The following CDH18 variants were observed in gnomAD, a reference collection of about 807,000 sequenced individuals.
The protein encoded by CDH18 is cadherin-18.
CDH18 carries 31 observed loss-of-function variants against 67.9 expected under a neutral mutation model. That is an observed-to-expected ratio of 0.46 (90% CI 0.34 to 0.62). The LOEUF (loss-of-function observed/expected upper bound fraction) is 0.62. CDH18 is among the 20% of genes least tolerant of loss of function. The pLI, the probability that CDH18 is intolerant of heterozygous loss-of-function variation, is 0.01. For missense variants in CDH18, 890 were observed against 975.5 expected, an observed-to-expected ratio of 0.91 and a Z score of 1.17; for synonymous variants, 362 against 347.2, an observed-to-expected ratio of 1.04 and a Z score of -0.48.
At chr5:20,254,364 A>AGGTG (rs1744074869) in intron 2 of CDH18, among the ~76,000 whole-genome samples, 1 of 152,162 alleles carries the variant, frequency 6.6e-6, no homozygotes, top group Non-Finnish European at 1.5e-5. Context: ...AGCCTGCCTC[A>AGGTG]TCCTCCTAAA....
At chr5:19,936,692 G>A (rs559526037) in intron 2 of CDH18, among the ~76,000 whole-genome samples, 1 of 150,918 alleles carries the variant, frequency 6.6e-6, no homozygotes, top group Admixed American at 6.6e-5. Flanking sequence ...AAAATGTTGA[G>A]ATTCTGAATA....
At chr5:19,974,013 T>C (rs1798269351) in intron 2 of CDH18, among the ~76,000 whole-genome samples, 1 of 152,080 alleles carries the variant, frequency 6.6e-6, no homozygotes, top group Non-Finnish European at 1.5e-5. Flanking sequence ...ATGAAATAAA[T>C]CATTATAGAA....
At position 20,181,104 on chromosome 5, in the gene CDH18, G is replaced by A. The variant is rs574614659; in HGVS notation, c.-518+74340C>T. On this transcript the variant is annotated intron_variant, in intron 2 of 14. Coordinates refer to the CDH18 transcript ENST00000507958. Reference sequence around the variant, plus strand: ...AAGGTGCACACTTCCTTACACAAATGTAGACTTCTAGAGAGTTTCTCCAAC... The same window carrying A: ...AAGGTGCACACTTCCTTACACAAATATAGACTTCTAGAGAGTTTCTCCAAC... Among the ~76,000 whole-genome samples, 56 of 152,210 alleles carry A rather than the reference G, an allele frequency of 3.7e-4. 1 individual carries two copies. The highest frequency in any genetic ancestry group is 1.3e-3 in the African/African-American group (53 of 41,546).
chr5:19,989,852 A>G (rs1296601044), upstream of CDH18, among the ~76,000 whole-genome samples: 1 of 152,228 alleles, frequency 6.6e-6, no homozygotes, highest in Non-Finnish European at 1.5e-5. Context: ...CTAATTGGGA[A>G]GGAATTGCAC....
At chr5:20,547,367 C>G (rs919006207) in intron 1 of CDH18, among the ~76,000 whole-genome samples, 1 of 151,908 alleles carries the variant, frequency 6.6e-6, no homozygotes, top group Admixed American at 6.6e-5. Flanking sequence ...TCAAGACCAG[C>G]CTGGCCAATA....
chr5:19,658,938 G>A lies in CDH18; in HGVS notation c.644-46337C>T, dbSNP rs569846004. Among the ~76,000 whole-genome samples, 53 of 151,990 alleles carry A rather than the reference G, an allele frequency of 3.5e-4. 1 individual carries two copies. Among genetic ancestry groups the A allele is most frequent in the African/African-American group, 1.2e-3 (49 of 41,478 alleles). ...TGATAGACTGGATTAAGAAAATGTGGCACATATACACCATGGAATACTATG... is the reference window on the plus strand; with the variant it reads ...TGATAGACTGGATTAAGAAAATGTGACACATATACACCATGGAATACTATG... On this transcript the variant is annotated intron_variant, in intron 5 of 12. Coordinates refer to ENST00000382275, the MANE Select transcript of CDH18 (RefSeq NM_004934.5).
At chr5:19,683,851 TC>T (rs1760683126) in intron 5 of CDH18, among the ~76,000 whole-genome samples, 1 of 151,842 alleles carries the variant, frequency 6.6e-6, no homozygotes, top group African/African-American at 2.4e-5. Flanking sequence ...TTCACACGTG[TC>T]CCCTGTTTCA....
intron 1 of CDH18, among the ~76,000 whole-genome samples, chr5:20,567,592 G>T (rs985858923): frequency 6.6e-6 from 1 of 152,114 alleles, no homozygotes; most frequent in Admixed American, 6.6e-5. Flanking sequence ...AGCATTATAA[G>T]GTCAGGCTGA....
At chr5:19,791,969 A>T (rs1236527315) in intron 3 of CDH18, among the ~76,000 whole-genome samples, 4 of 152,156 alleles carry the variant, frequency 2.6e-5, no homozygotes, top group African/African-American at 9.7e-5. Flanking sequence ...ATGTTACCAA[A>T]TTTAAAATGT....
chr5:19,624,835 T>A (rs1226663003), intron 5 of CDH18, among the ~76,000 whole-genome samples: 1 of 152,188 alleles, frequency 6.6e-6, no homozygotes, highest in Non-Finnish European at 1.5e-5. Context: ...TAAGGTTGCA[T>A]GCTACACTGA....
intron 10 of CDH18, among the ~76,000 whole-genome samples, chr5:19,504,373 T>C (rs1042401562): frequency 2.0e-5 from 3 of 152,050 alleles, no homozygotes; most frequent in African/African-American, 7.2e-5. Context: ...TAAGTCTCTA[T>C]CCTTCTTGAT....
At chr5:20,450,576 G>T (rs147815110) in intron 1 of CDH18, among the ~76,000 whole-genome samples, 1 of 151,652 alleles carries the variant, frequency 6.6e-6, no homozygotes, top group Non-Finnish European at 1.5e-5. Context: ...GTACACACAC[G>T]CATCCCCACA....
At chr5:19,719,952 A>G (rs867733285) in intron 5 of CDH18, among the ~76,000 whole-genome samples, 1 of 141,932 alleles carries the variant, frequency 7.0e-6, no homozygotes, top group Middle Eastern at 3.8e-3. Context: ...AAAGAAAGAA[A>G]GAAAGAAGGA....
chr5:20,424,389 G>C (rs1748115940), intron 1 of CDH18, among the ~76,000 whole-genome samples: 1 of 149,302 alleles, frequency 6.7e-6, no homozygotes, highest in Non-Finnish European at 1.5e-5. Flanking sequence ...ATGTTTCAGA[G>C]CTACAGAGTT....
intron 2 of CDH18, among the ~76,000 whole-genome samples, chr5:20,074,937 A>G (rs1743794944): frequency 6.6e-6 from 1 of 152,188 alleles, no homozygotes; most frequent in South Asian, 2.1e-4. Flanking sequence ...AAAGAATTAA[A>G]TACCTATATT....
chr5:20,071,104 C>T (rs1239646260), intron 2 of CDH18, among the ~76,000 whole-genome samples: 1 of 152,062 alleles, frequency 6.6e-6, no homozygotes, highest in African/African-American at 2.4e-5. Context: ...AAATCACTAA[C>T]CTAACTCATC....
chr5:19,697,658 G>T (rs1159764293), intron 5 of CDH18, among the ~76,000 whole-genome samples: 1 of 152,160 alleles, frequency 6.6e-6, no homozygotes, highest in African/African-American at 2.4e-5. Context: ...CATAAAGGAA[G>T]AAAATATGAG....
chr5:19,580,324 C>T (rs1020745850), intron 7 of CDH18, among the ~76,000 whole-genome samples: 2 of 151,804 alleles, frequency 1.3e-5, no homozygotes, highest in East Asian at 3.9e-4. Context: ...AATTTCTAAA[C>T]TCATAACAAT....
chr5:20,112,383 G>A (rs1747552650), intron 2 of CDH18, among the ~76,000 whole-genome samples: 1 of 152,148 alleles, frequency 6.6e-6, no homozygotes, highest in African/African-American at 2.4e-5. Context: ...AAGGGACACA[G>A]TAAAATTCAG....
Sources: allele counts gnomAD v4.1 joint callset (sites outside exome capture counted in the v4.1 genomes callset), GRCh38; gene constraint gnomAD v4.1.1; transcripts MANE v1.5; gene names NCBI Gene and HGNC (gene_info 2026-07-23, HGNC 2026-07-21).